The following SCN9A variants were observed in gnomAD, a reference collection of about 807,000 sequenced individuals.
SCN9A encodes sodium channel protein type 9 subunit alpha.
SCN9A carries 131 observed loss-of-function variants against 187.0 expected under a neutral mutation model. The observed-to-expected ratio is 0.70, with a 90% confidence interval of 0.61 to 0.81. The LOEUF (loss-of-function observed/expected upper bound fraction) is 0.81. SCN9A is among the 30% of genes least tolerant of loss of function. SCN9A has a pLI of 0.00. For synonymous variants in SCN9A, 809 were observed against 808.6 expected (o/e 1.00, Z -0.01); for missense variants, 2,252 against 2,396.6 (o/e 0.94, Z 1.26).
chr2:166,336,643 C>T (rs967218445), intron 1 of SCN9A, among the ~76,000 whole-genome samples: 1 of 152,090 alleles, frequency 6.6e-6, no homozygotes, highest in Non-Finnish European at 1.5e-5. Context: ...GCTCTAATTG[C>T]TTTGTTTACA....
chr2:166,238,383 T>C, intron 19 of SCN9A, 116 bp from the exon 20 acceptor site: 1 of 693,682 alleles, frequency 1.4e-6, no homozygotes, highest in Non-Finnish European at 2.4e-6. Context: ...AATATTGACA[T>C]GGGCCAGCTG....
intron 1 of SCN9A, among the ~76,000 whole-genome samples, chr2:166,360,089 C>T (rs1448607000): frequency 6.6e-6 from 1 of 151,112 alleles, no homozygotes. Flanking sequence ...GTCATGGTGG[C>T]GCATGCCTGT....
At chr2:166,332,726 C>T (rs952126912) in intron 1 of SCN9A, among the ~76,000 whole-genome samples, 1 of 151,798 alleles carries the variant, frequency 6.6e-6, no homozygotes, top group Non-Finnish European at 1.5e-5. Flanking sequence ...GGACTAAGTC[C>T]GTCCTTAAAA....
At chr2:166,219,586 G>A (rs766027343) in intron 24 of SCN9A, among the ~76,000 whole-genome samples, 6 of 152,048 alleles carry the variant, frequency 3.9e-5, no homozygotes, top group African/African-American at 7.2e-5. Context: ...AAGGGTGGGA[G>A]GAAGGAGAGG....
At chr2:166,245,051 G>T (rs1286450884) in intron 18 of SCN9A, among the ~76,000 whole-genome samples, 1 of 151,976 alleles carries the variant, frequency 6.6e-6, no homozygotes, top group Non-Finnish European at 1.5e-5. Flanking sequence ...CATCACTGAT[G>T]AATGAGTAAA....
chr2:166,304,880 T>A (rs1296149131), intron 5 of SCN9A, among the ~76,000 whole-genome samples: 1 of 152,144 alleles, frequency 6.6e-6, no homozygotes, highest in Non-Finnish European at 1.5e-5. Context: ...TGAAAAACAC[T>A]GAATTGTATA....
chr2:166,321,850 C>T (rs564446433), intron 1 of SCN9A, among the ~76,000 whole-genome samples: 20 of 142,888 alleles, frequency 1.4e-4, no homozygotes, highest in South Asian at 6.6e-4. Context: ...TTGAGGCATG[C>T]AGTGCTCCTC....
At chr2:166,289,762 A>T (rs1697957343) in intron 9 of SCN9A, among the ~76,000 whole-genome samples, 2 of 152,130 alleles carry the variant, frequency 1.3e-5, no homozygotes, top group Admixed American at 6.5e-5. Context: ...TCCTACCAAC[A>T]GTTTAAAAGC....
intron 7 of SCN9A, chr2:166,300,863 GAT>G (rs1698524180): frequency 6.6e-6 from 1 of 150,584 alleles, no homozygotes; most frequent in African/African-American, 2.5e-5. Context: ...ATAATATAAA[GAT>G]AATTCACATA....
chr2:166,311,330 C>CCATATATATA (rs1491160674), intron 2 of SCN9A, among the ~76,000 whole-genome samples, 169 bp downstream of exon 2: 28 of 46,720 alleles, frequency 6.0e-4, no homozygotes, highest in Non-Finnish European at 6.5e-4. Context: ...TCTGAATATC[C>CCATATATATA]TATATATATA....
At chr2:166,250,510 A>G (rs1228227079) in intron 18 of SCN9A, among the ~76,000 whole-genome samples, 3 of 152,094 alleles carry the variant, frequency 2.0e-5, no homozygotes, top group Admixed American at 6.6e-5. Flanking sequence ...TCACAGGCAG[A>G]TAAGTCGGCA....
At chr2:166,321,904 C>T (rs1299969068) in intron 1 of SCN9A, among the ~76,000 whole-genome samples, 4 of 151,552 alleles carry the variant, frequency 2.6e-5, no homozygotes, top group South Asian at 2.1e-4. Flanking sequence ...TCCTCCAAAC[C>T]TGTCAGCTCT....
At chr2:166,295,275 C>T (rs1040974336) in intron 7 of SCN9A, among the ~76,000 whole-genome samples, 2 of 152,152 alleles carry the variant, frequency 1.3e-5, no homozygotes, top group Admixed American at 6.6e-5. Context: ...CGGATCATGT[C>T]GGAATTTGCA....
chr2:166,260,356 T>C (rs906529748), intron 17 of SCN9A, among the ~76,000 whole-genome samples: 3 of 151,848 alleles, frequency 2.0e-5, no homozygotes, highest in Non-Finnish European at 4.4e-5. Context: ...TGCTTGTTCC[T>C]CTGCCTGAGA....
intron 1 of SCN9A, among the ~76,000 whole-genome samples, chr2:166,323,225 T>C (rs1229241418): frequency 6.6e-6 from 1 of 152,170 alleles, no homozygotes; most frequent in Non-Finnish European, 1.5e-5. Context: ...ATATCATTAA[T>C]GTAATCTCTG....
chr2:166,281,391 G>A lies in SCN9A; in HGVS notation c.2104+288C>T, dbSNP rs890819014. Among the ~76,000 whole-genome samples, 6 of 152,058 alleles carry A rather than the reference G, an allele frequency of 3.9e-5. No homozygotes were observed. The East Asian group carries it at 1.2e-3, about 29-fold the overall frequency. On this transcript the variant is annotated intron_variant, in intron 13 of 26. Coordinates refer to ENST00000642356, the MANE Select transcript of SCN9A (RefSeq NM_001365536.1). ...AATTACTATTAAATCACTTATCTTT[G>A]AAAGGTCAGATCACCCAACATCTGT...
At chr2:166,316,490 C>A (rs977656535) in intron 1 of SCN9A, among the ~76,000 whole-genome samples, 11 of 152,120 alleles carry the variant, frequency 7.2e-5, no homozygotes, top group Admixed American at 7.2e-4. Flanking sequence ...GTCAGGAGAT[C>A]GAGACCAACC....
chr2:166,223,795 T>A (rs959537583), intron 24 of SCN9A, among the ~76,000 whole-genome samples: 2 of 152,220 alleles, frequency 1.3e-5, no homozygotes, highest in African/African-American at 4.8e-5. Flanking sequence ...ATTTGTTTTT[T>A]TTCTTTGGAA....
chr2:166,366,667 A>T (rs917825336), intron 1 of SCN9A, among the ~76,000 whole-genome samples: 8 of 152,260 alleles, frequency 5.3e-5, no homozygotes, highest in African/African-American at 1.9e-4. Flanking sequence ...TCACTTTTTT[A>T]TAACAGCCAT....
Sources: gnomAD v4.1 joint callset for allele counts (sites outside exome capture counted in the v4.1 genomes callset) on GRCh38, gnomAD v4.1.1 for gene constraint, MANE v1.5 for transcripts, NCBI Gene and HGNC (gene_info 2026-07-23, HGNC 2026-07-21) for gene names.